Variants in TTC28 observed in about 807,000 individuals in gnomAD.
The protein encoded by TTC28 is tetratricopeptide repeat domain 28, also known as tetratricopeptide repeat protein 28.
TTC28 carries 61 observed loss-of-function variants against 198.0 expected under a neutral mutation model. The observed-to-expected ratio is 0.31, with a 90% CI of 0.25 to 0.38. TTC28 has a LOEUF of 0.38. TTC28 is among the 10% of genes least tolerant of loss of function. TTC28 has a pLI of 1.00. For missense variants in TTC28, 2,678 were observed against 3,164.0 expected (o/e 0.85, Z 3.69); for synonymous variants, 1,171 against 1,297.8 (o/e 0.90, Z 2.10).
chr22:28,432,082 G>A (rs1205707777), intron 2 of TTC28, among the ~76,000 whole-genome samples: 3 of 151,844 alleles, frequency 2.0e-5, no homozygotes, highest in Admixed American at 6.6e-5. Flanking sequence ...TCAGGAGATC[G>A]AGACCATCCT....
At chr22:28,554,815 G>A (rs1320770932) in intron 2 of TTC28, among the ~76,000 whole-genome samples, 1 of 152,106 alleles carries the variant, frequency 6.6e-6, no homozygotes, top group Non-Finnish European at 1.5e-5. Flanking sequence ...AGGTTGCTGT[G>A]AGCCGAGATT....
At chr22:28,145,346 G>A (rs1371786940) in intron 6 of TTC28, among the ~76,000 whole-genome samples, 3 of 152,078 alleles carry the variant, frequency 2.0e-5, no homozygotes, top group Non-Finnish European at 2.9e-5. Context: ...AAGAGCTCAC[G>A]TTAGGCTGCT....
In TTC28 at chr22:28,043,242, C is replaced by CAAAAAAAAAAAAAAAAAAAAAAAAAA. The variant is rs11362041; in HGVS notation, c.3933-12902_3933-12877dup. ...TGCATAACAGAGTAAGACTCCATCT[C>CAAAAAAAAAAAAAAAAAAAAAAAAAA]AAAAAAAAAAAAAAAAAAAAAAAAA... On this transcript the variant is annotated intron_variant, in intron 12 of 22. Coordinates refer to ENST00000397906, the MANE Select transcript of TTC28 (RefSeq NM_001145418.2). Among the ~76,000 whole-genome samples, 20 of 65,568 alleles carry CAAAAAAAAAAAAAAAAAAAAAAAAAA rather than the reference C, an allele frequency of 3.1e-4. 1 individual carries two copies. Among genetic ancestry groups the CAAAAAAAAAAAAAAAAAAAAAAAAAA allele is most frequent in the Non-Finnish European group, 4.0e-4 (14 of 35,432 alleles). 43.0% of individuals were successfully genotyped at this position (65,568 alleles called of 152,430 possible). A position where few individuals can be genotyped will look rare whatever the true frequency, so the allele number is the denominator to read the frequency against.
At chr22:28,222,706 A>G (rs1440459860) in intron 5 of TTC28, among the ~76,000 whole-genome samples, 1 of 152,206 alleles carries the variant, frequency 6.6e-6, no homozygotes, top group African/African-American at 2.4e-5. Context: ...CAACAGTATC[A>G]GTCAATTCTC....
chr22:27,990,065 A>G (rs1165385919), intron 20 of TTC28, 58 bp from the exon 21 acceptor site: 57 of 1,521,406 alleles, frequency 3.7e-5, no homozygotes, highest in Non-Finnish European at 4.8e-5. Context: ...AGCCCACCTC[A>G]AGACTCGACC....
At chr22:28,312,390 C>T (rs1030182474) in intron 2 of TTC28, among the ~76,000 whole-genome samples, 2 of 152,148 alleles carry the variant, frequency 1.3e-5, no homozygotes, top group African/African-American at 4.8e-5. Context: ...CTCTCCACCC[C>T]AAATCAACAG....
At chr22:28,566,955 G>T (rs897655522) in intron 2 of TTC28, among the ~76,000 whole-genome samples, 2 of 151,976 alleles carry the variant, frequency 1.3e-5, no homozygotes, top group African/African-American at 4.8e-5. Flanking sequence ...AGTGGCTCAC[G>T]CCTGTAACTC....
At chr22:28,149,747 G>A (rs2147012241) in intron 6 of TTC28, among the ~76,000 whole-genome samples, 1 of 152,290 alleles carries the variant, frequency 6.6e-6, no homozygotes, top group South Asian at 2.1e-4. Context: ...AGGCTGGGAG[G>A]TGGGGGATGC....
At chr22:28,054,095 G>C (rs1940185502) in intron 12 of TTC28, among the ~76,000 whole-genome samples, 1 of 152,160 alleles carries the variant, frequency 6.6e-6, no homozygotes, top group Non-Finnish European at 1.5e-5. Flanking sequence ...CAAATGCTGG[G>C]TATCTGACCC....
intron 14 of TTC28, among the ~76,000 whole-genome samples, chr22:28,013,979 G>A (rs1022812547): frequency 5.3e-5 from 8 of 152,264 alleles, no homozygotes; most frequent in Admixed American, 2.0e-4. Flanking sequence ...GAATGTACCC[G>A]GCTTGTAGGG....
At position 28,077,477 on chromosome 22, in the gene TTC28, A is replaced by G. The variant is rs6005710; in HGVS notation, c.3932+16603T>C. On this transcript the variant is annotated intron_variant, in intron 12 of 22. Coordinates refer to ENST00000397906, the MANE Select transcript of TTC28 (RefSeq NM_001145418.2). Reference sequence around the variant, plus strand: ...AGCTAATATTCAACTTCCGATGGTCATGACAAGCTTCTTCTGATGTGGTTA... The same window carrying G: ...AGCTAATATTCAACTTCCGATGGTCGTGACAAGCTTCTTCTGATGTGGTTA... Among the ~76,000 whole-genome samples the G allele has an allele frequency of 4.4e-3, 674 of 152,326 alleles. 2 individuals are homozygous for G. Among genetic ancestry groups the G allele is most frequent in the African/African-American group, 0.015 (609 of 41,570 alleles).
At position 28,243,174 on chromosome 22, in the gene TTC28, C is replaced by CAAAAAAA. The variant is rs754700795; in HGVS notation, c.933+53017_933+53023dup. Among the ~76,000 whole-genome samples, 161 of 68,330 alleles carry CAAAAAAA rather than the reference C, an allele frequency of 2.4e-3. 31 individuals are homozygous for CAAAAAAA. The highest frequency in any genetic ancestry group is 5.0e-3 in the East Asian group (8 of 1,612). 44.8% of individuals were successfully genotyped at this position (68,330 alleles called of 152,430 possible). The stretch of plus-strand genomic sequence containing the variant: ...GCAACCTGGCAAAACCCCCTCTCTA[C>CAAAAAAA]AAAAAAAAAAAAAAAAAAAAAAAAA... On this transcript the variant is annotated intron_variant, in intron 5 of 22. Transcript: ENST00000397906.
chr22:28,037,706 T>C (rs369363872), intron 12 of TTC28, among the ~76,000 whole-genome samples: 4 of 152,268 alleles, frequency 2.6e-5, no homozygotes, highest in East Asian at 3.9e-4. Context: ...GGCATTCAAT[T>C]AGGAAAAGAG....
At chr22:28,467,192 A>G (rs2048033915) in intron 2 of TTC28, among the ~76,000 whole-genome samples, 1 of 152,236 alleles carries the variant, frequency 6.6e-6, no homozygotes, top group Non-Finnish European at 1.5e-5. Flanking sequence ...AGACCCAGGC[A>G]GGAGACTCAC....
intron 12 of TTC28, among the ~76,000 whole-genome samples, chr22:28,040,160 A>G (rs1159274252): frequency 6.6e-6 from 1 of 152,214 alleles, no homozygotes; most frequent in Admixed American, 6.5e-5. Flanking sequence ...CCAGCAGTAC[A>G]AAGAGGAGCT....
intron 12 of TTC28, among the ~76,000 whole-genome samples, chr22:28,044,069 G>A (rs1939768326): frequency 6.6e-6 from 1 of 152,190 alleles, no homozygotes; most frequent in Non-Finnish European, 1.5e-5. Flanking sequence ...GGCCCTTCCA[G>A]CATTTGCTGT....
At chr22:28,081,096 C>T (rs986779834) in intron 12 of TTC28, among the ~76,000 whole-genome samples, 1 of 151,340 alleles carries the variant, frequency 6.6e-6, no homozygotes, top group East Asian at 1.9e-4. Flanking sequence ...CATAGAAATA[C>T]ACATATGTAC....
At chr22:28,444,060 T>C (rs971751788) in intron 2 of TTC28, among the ~76,000 whole-genome samples, 1 of 152,192 alleles carries the variant, frequency 6.6e-6, no homozygotes, top group African/African-American at 2.4e-5. Context: ...CTATAAAAAA[T>C]ATTTCTATGG....
rs1010614086 is a variant in TTC28, at chr22:27,978,666, G to A, written c.*3555C>T. 1 of 152,204 alleles carries A rather than the reference G, an allele frequency of 6.6e-6. No individual in the cohort carries two copies. The highest frequency in any genetic ancestry group is 1.5e-5 in the Non-Finnish European group (1 of 68,028). 9.4% of individuals were successfully genotyped at this position (152,204 alleles called of 1,614,324 possible). On this transcript the variant is annotated 3_prime_UTR_variant, in exon 23 of 23. Coordinates refer to ENST00000397906, the MANE Select transcript of TTC28 (RefSeq NM_001145418.2). ...AATTTTTAAAAAATGGAATGGAGGT[G>A]AAAACTTTCATTTTGTGTTGCACAT...
Sources: gnomAD v4.1 joint callset for allele counts (sites outside exome capture counted in the v4.1 genomes callset) on GRCh38, gnomAD v4.1.1 for gene constraint, MANE v1.5 for transcripts, NCBI Gene and HGNC (gene_info 2026-07-23, HGNC 2026-07-21) for gene names.